The following GBF1 variants were observed in gnomAD, a reference collection of about 807,000 sequenced individuals.
GBF1 encodes the protein golgi brefeldin A resistant guanine nucleotide exchange factor 1.
In GBF1, 114 loss-of-function variants were observed where a neutral mutation model predicts 210.5. The ratio of observed to expected loss-of-function variants is 0.54; its 90% CI spans 0.47 to 0.63. GBF1 has a LOEUF of 0.63. GBF1 is among the 30% of genes least tolerant of loss of function. The probability of loss-of-function intolerance (pLI) is 0.00; values close to 1 mark genes in which losing one functional copy is unlikely to be tolerated. For missense variants in GBF1, 1,851 were observed against 2,357.7 expected (o/e 0.79, Z 4.45); for synonymous variants, 850 against 889.2 (o/e 0.96, Z 0.78).
At chr10:102,268,169 A>C (rs987464914) in intron 3 of GBF1, among the ~76,000 whole-genome samples, 2 of 152,176 alleles carry the variant, frequency 1.3e-5, no homozygotes, top group Non-Finnish European at 2.9e-5. Flanking sequence ...ATTTGTTTGT[A>C]CTCAAGGTTA....
rs757502584 is a variant in GBF1, at chr10:102,376,996, CAAG to C, written c.4356_4358del (p.Lys1453del). On this transcript the variant is annotated inframe_deletion, in exon 33 of 40. Coordinates refer to ENST00000369983, the MANE Select transcript of GBF1 (RefSeq NM_001377137.1). Reference sequence around the variant, plus strand: ...AATATGACAGCAAAGGGAACCGCTTCAAGAAGAAATCCAAAGAGGGATCAATGC... The same window carrying C: ...AATATGACAGCAAAGGGAACCGCTTCAAGAAATCCAAAGAGGGATCAATGC... 1 of 1,614,156 alleles carries C rather than the reference CAAG, an allele frequency of 6.2e-7. No individual in the cohort carries two copies. Among genetic ancestry groups the C allele is most frequent in the African/African-American group, 1.3e-5 (1 of 75,048 alleles).
chr10:102,345,904 T>G (rs1044298469), intron 4 of GBF1, among the ~76,000 whole-genome samples: 1 of 151,850 alleles, frequency 6.6e-6, no homozygotes, highest in African/African-American at 2.4e-5. Context: ...AACCAATAAC[T>G]CCCCATTTCT....
intron 3 of GBF1, among the ~76,000 whole-genome samples, chr10:102,323,177 T>G (rs1229576711): frequency 6.9e-6 from 1 of 144,730 alleles, no homozygotes; most frequent in African/African-American, 2.6e-5. Context: ...CTTTTCCTCA[T>G]GACCTAGCTC....
chr10:102,256,217 A>G (rs1390535572), intron 1 of GBF1, among the ~76,000 whole-genome samples: 2 of 152,098 alleles, frequency 1.3e-5, no homozygotes, highest in Non-Finnish European at 2.9e-5. Context: ...AGTGTTAGGG[A>G]TTACAGGTGT....
chr10:102,317,551 G>A (rs775624440), intron 3 of GBF1, among the ~76,000 whole-genome samples: 2 of 152,118 alleles, frequency 1.3e-5, no homozygotes, highest in South Asian at 2.1e-4. Flanking sequence ...CCCAGGAGGC[G>A]GAGGTTGCTG....
intron 3 of GBF1, among the ~76,000 whole-genome samples, chr10:102,268,311 C>T (rs189094760): frequency 6.2e-4 from 95 of 152,274 alleles, no homozygotes; most frequent in Non-Finnish European, 1.0e-3. Context: ...GTTGAGGGGG[C>T]ACATTTTCTA....
intron 1 of GBF1, among the ~76,000 whole-genome samples, chr10:102,250,093 T>G (rs1590445877): frequency 5.4e-5 from 1 of 18,574 alleles, no homozygotes; most frequent in African/African-American, 4.3e-4. Context: ...AGTCCATCAG[T>G]TTTTCTTGGT....
At chr10:102,327,302 T>C (rs1049621962) in intron 3 of GBF1, among the ~76,000 whole-genome samples, 1 of 152,086 alleles carries the variant, frequency 6.6e-6, no homozygotes, top group Non-Finnish European at 1.5e-5. Flanking sequence ...GGGAGGAAAA[T>C]ATAGAGCTGG....
intron 3 of GBF1, among the ~76,000 whole-genome samples, chr10:102,322,901 A>AT (rs2056545825): frequency 6.6e-6 from 1 of 152,048 alleles, no homozygotes; most frequent in Non-Finnish European, 1.5e-5. Context: ...TGGGTGACAG[A>AT]GCAAGACTGT....
chr10:102,230,845 G>C, the GBF1 span: 1 of 1,591,472 alleles, frequency 6.3e-7, no homozygotes, highest in Middle Eastern at 1.7e-4. Context: ...GGCGGCGATG[G>C]AGCTGGGTGG....
intron 30 of GBF1, 57 bp downstream of exon 30, chr10:102,375,641 T>G (rs1271410701): frequency 8.9e-7 from 1 of 1,125,182 alleles, no homozygotes; most frequent in Non-Finnish European, 1.3e-6. Context: ...ACCCCAGGAG[T>G]TGGGACAGGA....
rs1716368804 is a variant in GBF1, at chr10:102,375,556, C to T, written c.3858C>T (p.Ala1286=). ...TGAAGCCTCCAGCTGCTCTGCAGGC[C>T]ACAGCCAGGGCAGATGCACCTGATG... The part of the protein sequence containing the change: ...SGVKPPAALQ[A]TARADAPDAG... The change falls in exon 30 of 40, where the codon GCC becomes GCT. Residue 1286 remains alanine (A), a synonymous_variant. Transcript: ENST00000369983. 1 of 1,612,024 alleles carries T rather than the reference C, an allele frequency of 6.2e-7. No individual in the cohort carries two copies. The highest frequency in any genetic ancestry group is 1.3e-5 in the African/African-American group (1 of 74,906).
At chr10:102,277,429 A>T (rs1293672391) in intron 3 of GBF1, among the ~76,000 whole-genome samples, 2 of 146,074 alleles carry the variant, frequency 1.4e-5, no homozygotes, top group Admixed American at 7.0e-5. Context: ...TCGCTCTGTC[A>T]CCCAGGCTGG....
Position 102,361,005 on chromosome 10 carries a change from C to G in GBF1, c.1393-17C>G. The G allele has an allele frequency of 1.5e-6, 2 of 1,301,094 alleles. No individual in the cohort carries two copies. The highest frequency in any genetic ancestry group is 2.3e-5 in the East Asian group (1 of 43,334). 80.6% of individuals were successfully genotyped at this position (1,301,094 alleles called of 1,614,324 possible). On this transcript the variant is annotated splice_polypyrimidine_tract_variant and intron_variant, in intron 12 of 39. Transcript: ENST00000369983. The stretch of plus-strand genomic sequence containing the variant: ...AAAAAAAAAAAAACTCATGGCCTAC[C>G]CTGCTCTCATCTCCAGCTACTCAGC...
At chr10:102,262,085 G>A (rs1184843331) in intron 3 of GBF1, among the ~76,000 whole-genome samples, 5 of 152,164 alleles carry the variant, frequency 3.3e-5, no homozygotes, top group South Asian at 2.1e-4. Flanking sequence ...ATGTTTCACC[G>A]TTTTGGCCAG....
chr10:102,260,743 C>T (rs531147187), intron 3 of GBF1, among the ~76,000 whole-genome samples: 17 of 148,448 alleles, frequency 1.1e-4, no homozygotes, highest in Admixed American at 1.1e-3. Flanking sequence ...TCTGAAAGTG[C>T]TGGGATTACA....
At chr10:102,312,000 T>C (rs1210228832) in intron 3 of GBF1, among the ~76,000 whole-genome samples, 1 of 152,044 alleles carries the variant, frequency 6.6e-6, no homozygotes, top group Non-Finnish European at 1.5e-5. Flanking sequence ...ACTTAGAAAA[T>C]GTTAAATCTC....
chr10:102,236,469 C>CA, the GBF1 span, among the ~76,000 whole-genome samples: 1 of 152,182 alleles, frequency 6.6e-6, no homozygotes, highest in African/African-American at 2.4e-5. Flanking sequence ...CCACTGGTAT[C>CA]AGGGTGGCAA....
intron 8 of GBF1, among the ~76,000 whole-genome samples, chr10:102,355,247 A>C (rs946269737): frequency 7.9e-5 from 12 of 152,184 alleles, no homozygotes; most frequent in African/African-American, 2.9e-4. Context: ...AACTCTGTGT[A>C]TGTACACCTA....
Sources: allele counts gnomAD v4.1 joint callset (sites outside exome capture counted in the v4.1 genomes callset), GRCh38; gene constraint gnomAD v4.1.1; transcripts MANE v1.5; gene names NCBI Gene and HGNC (gene_info 2026-07-23, HGNC 2026-07-21).